NPSR1: variants seen among roughly 807,000 people sequenced by gnomAD.
The protein encoded by NPSR1 is neuropeptide S receptor.
Under a neutral mutation model 46.9 loss-of-function variants are expected in NPSR1, and 48 were observed. That is an observed-to-expected ratio of 1.02 (90% confidence interval 0.81 to 1.30). The LOEUF (loss-of-function observed/expected upper bound fraction) is 1.30, where lower values mean the gene tolerates loss of function less well. Among genes scored for constraint, NPSR1 ranks in the 50% most tolerant of loss-of-function variants. NPSR1 has a pLI of 0.00. For synonymous variants in NPSR1, 176 were observed against 168.1 expected (o/e 1.05, Z -0.36); for missense variants, 450 against 449.5 (o/e 1.00, Z -0.01).
At chr7:34,734,004 G>A (rs10241737) in intron 2 of NPSR1, among the ~76,000 whole-genome samples, 19,442 of 152,210 alleles carry the variant, frequency 0.13, 1,486 homozygotes, top group Non-Finnish European at 0.17. Flanking sequence ...ATAGTCATGG[G>A]AGTGACAGAA....
chr7:34,728,677 T>C (rs1481105216), intron 2 of NPSR1: 2 of 152,666 alleles, frequency 1.3e-5, no homozygotes, highest in African/African-American at 4.8e-5. Flanking sequence ...TTTGGTATTA[T>C]GAAAGACCCT....
intron 1 of NPSR1, among the ~76,000 whole-genome samples, chr7:34,663,533 C>T (rs1032527591): frequency 6.6e-6 from 1 of 152,138 alleles, no homozygotes; most frequent in Non-Finnish European, 1.5e-5. Flanking sequence ...TGGACCTCAG[C>T]GCCCTTCCAA....
intron 2 of NPSR1, among the ~76,000 whole-genome samples, chr7:34,776,136 T>C (rs919320989): frequency 3.3e-5 from 5 of 152,176 alleles, no homozygotes; most frequent in African/African-American, 1.2e-4. Context: ...GTTTTCAGGC[T>C]TTTTAGTGAT....
At chr7:34,876,896 A>T (rs1341908286) in intron 8 of NPSR1, among the ~76,000 whole-genome samples, 1 of 151,988 alleles carries the variant, frequency 6.6e-6, no homozygotes, top group African/African-American at 2.4e-5. Flanking sequence ...CTGCTGCAGG[A>T]CTCCAGCAGT....
chr7:34,719,942 G>A (rs1231412174), intron 2 of NPSR1: 1 of 151,604 alleles, frequency 6.6e-6, no homozygotes, highest in Non-Finnish European at 1.5e-5. Context: ...CCAAGCCAAG[G>A]AGCCCTCCAT....
At position 34,725,125 on chromosome 7, in the gene NPSR1, AGACACACACACACACT is replaced by A. The variant is rs1784074571; in HGVS notation, c.280+40442_280+40457del. Among the ~76,000 whole-genome samples the A allele has an allele frequency of 2.0e-5, 3 of 150,348 alleles. No homozygotes were observed. The South Asian group carries it at 6.5e-4, about 33-fold the overall frequency. ...CACACACACACACACACACACACAC[AGACACACACACACACT>A]CACACACACACAGAGCTCTCAGAAC... is the stretch of plus-strand genomic sequence containing the variant. On this transcript the variant is annotated intron_variant, in intron 2 of 8. Coordinates refer to ENST00000360581, the MANE Select transcript of NPSR1 (RefSeq NM_207172.2).
intron 4 of NPSR1, among the ~76,000 whole-genome samples, chr7:34,812,747 C>A (rs530466943): frequency 7.2e-4 from 109 of 152,324 alleles, no homozygotes; most frequent in African/African-American, 2.4e-3. Context: ...AACCTGTTCT[C>A]CCTTCCTCCA....
At chr7:34,796,448 T>C (rs1317123048) in intron 3 of NPSR1, among the ~76,000 whole-genome samples, 1 of 152,178 alleles carries the variant, frequency 6.6e-6, no homozygotes, top group Non-Finnish European at 1.5e-5. Flanking sequence ...AAGATTGTTA[T>C]TCAAAATATG....
chr7:34,664,778 C>T (rs1245665560), intron 1 of NPSR1, among the ~76,000 whole-genome samples: 1 of 152,090 alleles, frequency 6.6e-6, no homozygotes, highest in Non-Finnish European at 1.5e-5. Flanking sequence ...GCAAATTATG[C>T]CCTATCTGGA....
intron 3 of NPSR1, among the ~76,000 whole-genome samples, chr7:34,794,835 T>C (rs148033339): frequency 6.5e-4 from 99 of 152,244 alleles, no homozygotes; most frequent in African/African-American, 2.3e-3. Flanking sequence ...AATTCTACAC[T>C]TGAGATAAGC....
intron 7 of NPSR1, 74 bp from the exon 8 acceptor site, chr7:34,848,409 T>C: frequency 7.6e-7 from 1 of 1,309,804 alleles, no homozygotes; most frequent in Non-Finnish European, 1.1e-6. Context: ...CAGGTAAAAG[T>C]CCAGTCAGGA....
intron 8 of NPSR1, among the ~76,000 whole-genome samples, chr7:34,875,085 A>T (rs1791544106): frequency 6.6e-6 from 1 of 152,200 alleles, no homozygotes; most frequent in Admixed American, 6.5e-5. Context: ...TCCCTATGGC[A>T]TTATCATTCC....
At chr7:34,672,444 A>G (rs926686256) in intron 1 of NPSR1, among the ~76,000 whole-genome samples, 24 of 152,232 alleles carry the variant, frequency 1.6e-4, no homozygotes, top group African/African-American at 5.8e-4. Flanking sequence ...ACCAGTAACC[A>G]GAAAACTGAA....
intron 8 of NPSR1, among the ~76,000 whole-genome samples, chr7:34,874,208 C>T (rs369516593): frequency 6.6e-6 from 1 of 152,114 alleles, no homozygotes; most frequent in South Asian, 2.1e-4. Flanking sequence ...CACCACCAGC[C>T]CAGTGATGCT....
chr7:34,841,729 C>T (rs1490718624), intron 6 of NPSR1, among the ~76,000 whole-genome samples: 5 of 152,170 alleles, frequency 3.3e-5, no homozygotes, highest in African/African-American at 1.2e-4. Flanking sequence ...TATACTGTCA[C>T]CCAGTTGCCC....
At chr7:34,798,032 T>A (rs548533942) in intron 3 of NPSR1, among the ~76,000 whole-genome samples, 1 of 152,102 alleles carries the variant, frequency 6.6e-6, no homozygotes, top group Non-Finnish European at 1.5e-5. Context: ...CTAAAAGAAG[T>A]TCTTCAGATA....
chr7:34,862,164 C>A (rs1400981930), intron 8 of NPSR1, among the ~76,000 whole-genome samples: 1 of 151,710 alleles, frequency 6.6e-6, no homozygotes, highest in Non-Finnish European at 1.5e-5. Flanking sequence ...CAATCATTGA[C>A]TTCCTGTCTG....
intron 2 of NPSR1, among the ~76,000 whole-genome samples, chr7:34,691,368 A>G (rs959764073): frequency 6.6e-6 from 1 of 152,214 alleles, no homozygotes; most frequent in Non-Finnish European, 1.5e-5. Flanking sequence ...CTCACATATT[A>G]ATATTAATCT....
At chr7:34,758,366 A>C (rs1441238825) in intron 2 of NPSR1, 1 of 152,226 alleles carries the variant, frequency 6.6e-6, no homozygotes, top group East Asian at 1.9e-4. Context: ...TAACAAATAC[A>C]TTGCACAGTA....
Sources: gnomAD v4.1 joint callset for allele counts (sites outside exome capture counted in the v4.1 genomes callset) on GRCh38, gnomAD v4.1.1 for gene constraint, MANE v1.5 for transcripts, NCBI Gene and HGNC (gene_info 2026-07-23, HGNC 2026-07-21) for gene names.